Variants in BRINP1 observed in about 807,000 individuals in gnomAD.
BRINP1 encodes BMP/retinoic acid inducible neural specific 1, also known as BMP/retinoic acid-inducible neural-specific protein 1.
In BRINP1, 17 loss-of-function variants were observed where a neutral mutation model predicts 72.9. That is an observed-to-expected ratio of 0.23 (90% confidence interval 0.16 to 0.35). The LOEUF is 0.35. BRINP1 is among the 10% of genes least tolerant of loss of function. BRINP1 has a pLI of 1.00. For missense variants in BRINP1, 850 were observed against 1,001.6 expected, an observed-to-expected ratio of 0.85 and a Z score of 2.04; for synonymous variants, 418 against 378.5, an observed-to-expected ratio of 1.10 and a Z score of -1.21.
intron 2 of BRINP1, among the ~76,000 whole-genome samples, chr9:119,274,562 ACATTCTT>A (rs1383958104): frequency 2.0e-5 from 3 of 152,218 alleles, no homozygotes. Context: ...GGAGGAACAC[ACATTCTT>A]TTGCTGGGCA....
intron 1 of BRINP1, among the ~76,000 whole-genome samples, chr9:119,316,313 C>G (rs959726245): frequency 7.2e-5 from 11 of 152,194 alleles, no homozygotes; most frequent in African/African-American, 2.7e-4. Context: ...GTCTTGAACT[C>G]CTGACCTCAA....
intron 1 of BRINP1, among the ~76,000 whole-genome samples, chr9:119,345,684 C>T (rs556662568): frequency 6.6e-6 from 1 of 152,268 alleles, no homozygotes; most frequent in South Asian, 2.1e-4. Flanking sequence ...TCCAAGTTTA[C>T]TCAACTAGTA....
chr9:119,221,524 G>A (rs1830041530), intron 5 of BRINP1, among the ~76,000 whole-genome samples: 1 of 152,064 alleles, frequency 6.6e-6, no homozygotes, highest in African/African-American at 2.4e-5. Flanking sequence ...GTGCAGAAAG[G>A]GCGAAAAGGC....
intron 1 of BRINP1, among the ~76,000 whole-genome samples, chr9:119,319,216 A>G (rs1831159172): frequency 1.3e-5 from 2 of 152,144 alleles, no homozygotes; most frequent in Non-Finnish European, 2.9e-5. Context: ...CTCGGTTAAG[A>G]GTTCTTCTCA....
At chr9:119,344,925 C>T (rs928720604) in intron 1 of BRINP1, among the ~76,000 whole-genome samples, 3 of 152,208 alleles carry the variant, frequency 2.0e-5, no homozygotes, top group Admixed American at 2.0e-4. Context: ...GATCAGTTCT[C>T]TCCCATAACT....
At chr9:119,216,735 C>T (rs1829981650) in intron 5 of BRINP1, among the ~76,000 whole-genome samples, 1 of 152,130 alleles carries the variant, frequency 6.6e-6, no homozygotes, top group Non-Finnish European at 1.5e-5. Flanking sequence ...TTTCTCCCTT[C>T]TGTAGGGGAT....
intron 7 of BRINP1, among the ~76,000 whole-genome samples, chr9:119,204,547 G>A (rs3780725): frequency 0.19 from 28,758 of 151,938 alleles, 3,102 homozygotes; most frequent in Non-Finnish European, 0.25. Flanking sequence ...TAACAGTATC[G>A]CTTCATAAGA....
chr9:119,343,192 G>A (rs746990536), intron 1 of BRINP1, among the ~76,000 whole-genome samples: 1 of 152,176 alleles, frequency 6.6e-6, no homozygotes, highest in Non-Finnish European at 1.5e-5. Flanking sequence ...GACCCACCAG[G>A]TGTGACGGGA....
chr9:119,172,150 A>C (rs1829419899), intron 7 of BRINP1, among the ~76,000 whole-genome samples: 1 of 151,950 alleles, frequency 6.6e-6, no homozygotes, highest in South Asian at 2.1e-4. Flanking sequence ...AACTGAAGGA[A>C]ATAGAGACAC....
intron 2 of BRINP1, among the ~76,000 whole-genome samples, chr9:119,309,315 T>G (rs1416059580): frequency 6.6e-5 from 10 of 152,154 alleles, no homozygotes; most frequent in Admixed American, 2.0e-4. Flanking sequence ...ATCAGGTAAC[T>G]AAGAACCAGG....
chr9:119,329,193 T>C (rs72761774), intron 1 of BRINP1, among the ~76,000 whole-genome samples: 13,251 of 152,176 alleles, frequency 0.087, 665 homozygotes, highest in Non-Finnish European at 0.1. Context: ...GTGGAGCAAA[T>C]AGATAAAACA....
chr9:119,277,185 G>A (rs978092985), intron 2 of BRINP1, among the ~76,000 whole-genome samples: 1 of 152,170 alleles, frequency 6.6e-6, no homozygotes, highest in Non-Finnish European at 1.5e-5. Flanking sequence ...AGGCATCACA[G>A]TTGTTTTACC....
At chr9:119,168,862 G>A (rs978185829) in intron 7 of BRINP1, among the ~76,000 whole-genome samples, 2 of 152,148 alleles carry the variant, frequency 1.3e-5, no homozygotes, top group Non-Finnish European at 2.9e-5. Context: ...GGAGAAACAG[G>A]AACACTTTTA....
intron 5 of BRINP1, among the ~76,000 whole-genome samples, chr9:119,236,088 G>A (rs747439182): frequency 2.6e-5 from 4 of 151,910 alleles, no homozygotes; most frequent in Non-Finnish European, 4.4e-5. Context: ...TATCTTTTCT[G>A]CAAGGCAGCC....
At chr9:119,199,472 CCCCAAGAGATTTT>C (rs1261821074) in intron 7 of BRINP1, among the ~76,000 whole-genome samples, 1 of 152,082 alleles carries the variant, frequency 6.6e-6, no homozygotes, top group Non-Finnish European at 1.5e-5. Context: ...AAGTTGATGC[CCCCAAGAGATTTT>C]CATCTCAACA....
At chr9:119,172,516 G>A (rs1261370284) in intron 7 of BRINP1, among the ~76,000 whole-genome samples, 1 of 151,554 alleles carries the variant, frequency 6.6e-6, no homozygotes, top group African/African-American at 2.4e-5. Context: ...AAGAGTCCAG[G>A]ACCAGATGGA....
At chr9:119,344,842 T>C (rs995906510) in intron 1 of BRINP1, among the ~76,000 whole-genome samples, 4 of 152,202 alleles carry the variant, frequency 2.6e-5, no homozygotes, top group African/African-American at 9.6e-5. Context: ...ACGTAGCCCC[T>C]GCAGTGGCTT....
chr9:119,283,942 G>A (rs1243391538), intron 2 of BRINP1, among the ~76,000 whole-genome samples: 1 of 152,112 alleles, frequency 6.6e-6, no homozygotes, highest in Non-Finnish European at 1.5e-5. Flanking sequence ...TACAGCCCTT[G>A]GACCACCACC....
chr9:119,202,882 A>T (rs1286592695), intron 7 of BRINP1, among the ~76,000 whole-genome samples: 1 of 152,124 alleles, frequency 6.6e-6, no homozygotes, highest in East Asian at 1.9e-4. Flanking sequence ...ATGCTTCCAA[A>T]GCCTGGCACA....
Sources: gnomAD v4.1 joint callset for allele counts (sites outside exome capture counted in the v4.1 genomes callset) on GRCh38, gnomAD v4.1.1 for gene constraint, MANE v1.5 for transcripts, NCBI Gene and HGNC (gene_info 2026-07-23, HGNC 2026-07-21) for gene names.